SEC61A2: variants seen among roughly 807,000 people sequenced by gnomAD.
SEC61A2 encodes the protein SEC61 translocon subunit alpha 2, also known as protein transport protein Sec61 subunit alpha isoform 2.
SEC61A2 carries 28 observed loss-of-function variants against 59.9 expected under a neutral mutation model. That is an observed-to-expected ratio of 0.47 (90% CI 0.35 to 0.64). The LOEUF is 0.64. SEC61A2 is among the 30% of genes least tolerant of loss of function. The pLI is 0.01. For synonymous variants in SEC61A2, 202 were observed against 214.4 expected (o/e 0.94, Z 0.50); for missense variants, 340 against 585.9 (o/e 0.58, Z 4.33).
rs1392140247 is a variant in SEC61A2, at chr10:12,164,550, A to G, written c.*96A>G. 3 of 1,515,624 alleles carry G rather than the reference A, an allele frequency of 2.0e-6. No homozygotes were observed. The highest frequency in any genetic ancestry group is 2.6e-6 in the Non-Finnish European group (3 of 1,136,866). The allele number at this position is 1,515,624 out of a possible 1,614,324, so 93.9% of individuals were successfully genotyped here. On this transcript the variant is annotated 3_prime_UTR_variant, in exon 12 of 12. Transcript: ENST00000298428. This position sits in a 1 kb window ranked among gnomAD's most constrained non-coding sequence, Gnocchi z 7.3. ...CTGGTGGCTCCCCTTTTCTCCCCTC[A>G]CAGTTTCTTGTTTCGAGTGCTGACT... is the stretch of plus-strand genomic sequence containing the variant.
At chr10:12,141,842 CTGT>C (rs1311215981) in intron 3 of SEC61A2, among the ~76,000 whole-genome samples, 1 of 152,192 alleles carries the variant, frequency 6.6e-6, no homozygotes, top group Non-Finnish European at 1.5e-5. Flanking sequence ...CCATCACCCC[CTGT>C]TCTGTGAAAG....
In SEC61A2 at chr10:12,145,630, A is replaced by G. The variant is rs993256307; in HGVS notation, c.220+2435A>G. ...ATAAGTGGAGTTTTATTAGTGTGTT[A>G]GATTCCTTTTGTTGTAAGTAATAGG... On this transcript the variant is annotated intron_variant, in intron 4 of 11. Coordinates refer to ENST00000298428, the MANE Select transcript of SEC61A2 (RefSeq NM_018144.4). The surrounding 1 kb of genome is among the most constrained non-coding windows in gnomAD (Gnocchi z 4.4). 6.6e-6 allele frequency among the ~76,000 whole-genome samples: 1 copy of G among 152,194 alleles called. No homozygotes were observed. The highest frequency in any genetic ancestry group is 6.5e-5 in the Admixed American group (1 of 15,268).
intron 2 of SEC61A2, among the ~76,000 whole-genome samples, chr10:12,133,622 T>C (rs1833814061): frequency 6.6e-6 from 1 of 152,242 alleles, no homozygotes; most frequent in Non-Finnish European, 1.5e-5. Context: ...TCCTGTAGTA[T>C]TGGGTGTGTA....
chr10:12,158,033 G>A lies in SEC61A2; in HGVS notation c.903G>A (p.Leu301=). 1 of 1,614,156 alleles carries A rather than the reference G, an allele frequency of 6.2e-7. No individual in the cohort carries two copies. Among genetic ancestry groups the A allele is most frequent in the Non-Finnish European group, 8.5e-7 (1 of 1,180,032 alleles). ...IILQSALVSN[L]YVISQMLSVR... ...TCCAGTCGGCCCTGGTGTCCAACCT[G>A]TATGTTATTTCCCAGATGCTGTCTG... Residue 301 remains leucine (L), a synonymous_variant, in exon 9 of 12, where the codon CTG becomes CTA. Coordinates refer to ENST00000298428, the MANE Select transcript of SEC61A2 (RefSeq NM_018144.4). The surrounding 1 kb of genome is among the most constrained non-coding windows in gnomAD (Gnocchi z 5.7).
In SEC61A2 at chr10:12,164,301, G is replaced by C; in HGVS notation, c.1278G>C (p.Leu426Phe). Reference sequence around the variant, plus strand: ...CCACCGCAGCTGCGTTTGGCGGTTTGTGCATTGGCGCCCTGTCAGTGCTGG... The same window carrying C: ...CCACCGCAGCTGCGTTTGGCGGTTTCTGCATTGGCGCCCTGTCAGTGCTGG... ...YIPTAAAFGG[L>F]CIGALSVLAD... The change falls in exon 12 of 12, where the codon TTG (leucine) becomes TTC (phenylalanine). Residue 426 changes from leucine to phenylalanine, a missense_variant. This residue lies in a region of SEC61A2 where 283 missense variants were observed against 483.2 expected (regional missense o/e 0.59). Coordinates refer to ENST00000298428, the MANE Select transcript of SEC61A2 (RefSeq NM_018144.4). This position sits in a 1 kb window ranked among gnomAD's most constrained non-coding sequence, Gnocchi z 7.3. 6.2e-7 allele frequency: 1 copy of C among 1,613,662 alleles called. No individual in the cohort carries two copies. The highest frequency in any genetic ancestry group is 2.2e-5 in the East Asian group (1 of 44,884).
In SEC61A2 at chr10:12,156,150, T is replaced by A. The variant is rs918096005; in HGVS notation, c.616+219T>A. On this transcript the variant is annotated intron_variant, in intron 7 of 11. Coordinates refer to ENST00000298428, the MANE Select transcript of SEC61A2 (RefSeq NM_018144.4). The surrounding 1 kb of genome is among the most constrained non-coding windows in gnomAD (Gnocchi z 5.2). Reference sequence around the variant, plus strand: ...ATTTTAGCCTCTGCTTATTTAAAATTTCAGTGGTTGCAAACAGATTTTCAA... The same window carrying A: ...ATTTTAGCCTCTGCTTATTTAAAATATCAGTGGTTGCAAACAGATTTTCAA... Among the ~76,000 whole-genome samples, 6 of 152,212 alleles carry A rather than the reference T, an allele frequency of 3.9e-5. No homozygotes were observed. Among genetic ancestry groups the A allele is most frequent in the African/African-American group, 1.4e-4 (6 of 41,452 alleles).
rs577629718 is a variant in SEC61A2 at position 12,158,742 on chromosome 10, AC to A, written c.975+638del. On this transcript the variant is annotated intron_variant, in intron 9 of 11. Transcript: ENST00000298428. This position sits in a 1 kb window ranked among gnomAD's most constrained non-coding sequence, Gnocchi z 5.7. ...GAGACTCCGTCTCCAAAAAATAAAA[AC>A]AAAAAATGCTATTTGCTGCTGCTAA... Among the ~76,000 whole-genome samples the A allele has an allele frequency of 2.2e-3, 336 of 152,190 alleles. 2 individuals carry two copies. The highest frequency in any genetic ancestry group is 3.8e-3 in the Admixed American group (58 of 15,294).
Position 12,160,472 on chromosome 10 carries a change from A to G in SEC61A2, c.976-458A>G, listed in dbSNP as rs1244894718. On this transcript the variant is annotated intron_variant, in intron 9 of 11. Transcript: ENST00000298428. The surrounding 1 kb of genome is among the most constrained non-coding windows in gnomAD (Gnocchi z 4.1). ...TAAAAGATTGCTCCTTATAACATAG[A>G]AACCACATAAAGTCTAGGCAGCAAG... is the stretch of plus-strand genomic sequence containing the variant. Among the ~76,000 whole-genome samples the G allele has an allele frequency of 1.3e-5, 2 of 152,238 alleles. No individual in the cohort carries two copies. Among genetic ancestry groups the G allele is most frequent in the African/African-American group, 4.8e-5 (2 of 41,454 alleles).
At chr10:12,139,136 A>G (rs952076310) in intron 3 of SEC61A2, among the ~76,000 whole-genome samples, 3 of 151,340 alleles carry the variant, frequency 2.0e-5, no homozygotes, top group African/African-American at 7.3e-5. Flanking sequence ...CAATTTTTGT[A>G]TTTTTCGTAG....
At position 12,154,703 on chromosome 10, in the gene SEC61A2, T is replaced by G. The variant is rs547105676; in HGVS notation, c.463-1075T>G. 5.4e-4 allele frequency among the ~76,000 whole-genome samples: 82 copies of G among 152,356 alleles called. No individual in the cohort carries two copies. In the South Asian group the frequency reaches 0.011, roughly 21 times the overall value. ...CTGTAAATAGACAAGTTAGGCTCTGTCCAACTACTGAAATGGCAGTTAAGG... is the reference window on the plus strand; with the variant it reads ...CTGTAAATAGACAAGTTAGGCTCTGGCCAACTACTGAAATGGCAGTTAAGG... On this transcript the variant is annotated intron_variant, in intron 6 of 11. Transcript: ENST00000298428. The surrounding 1 kb of genome is among the most constrained non-coding windows in gnomAD (Gnocchi z 5.2).
chr10:12,147,925 AATCT>A (rs1460145321), intron 4 of SEC61A2, among the ~76,000 whole-genome samples: 2 of 151,758 alleles, frequency 1.3e-5, no homozygotes, highest in Non-Finnish European at 2.9e-5. Flanking sequence ...TAACTTAAGA[AATCT>A]ATCTAATATC....
rs1198953557 is a variant in SEC61A2, at chr10:12,158,920, G to A, written c.975+815G>A. Among the ~76,000 whole-genome samples, 1 of 151,936 alleles carries A rather than the reference G, an allele frequency of 6.6e-6. No homozygotes were observed. Among genetic ancestry groups the A allele is most frequent in the Non-Finnish European group, 1.5e-5 (1 of 68,004 alleles). On this transcript the variant is annotated intron_variant, in intron 9 of 11. Transcript: ENST00000298428. The surrounding 1 kb of genome is among the most constrained non-coding windows in gnomAD (Gnocchi z 5.7). ...TATTAACTAGACGGTAGAGACAGCG[G>A]TGCTGCTAGTAATATAATCCTATAC...
At chr10:12,168,885 C>T (rs1257063277), downstream of SEC61A2, among the ~76,000 whole-genome samples, 1 of 152,122 alleles carries the variant, frequency 6.6e-6, no homozygotes, top group Non-Finnish European at 1.5e-5. This position sits in a 1 kb window ranked among gnomAD's most constrained non-coding sequence, Gnocchi z 4.8. Context: ...GCCCCAGCCT[C>T]CTGAGTAGCT....
rs1226501447 is a variant in SEC61A2 at position 12,136,126 on chromosome 10, C to T, written c.97C>T (p.Leu33=). ...ACAGATCCAGTTTAGAGAGAAGGTTCTGTGGACTGCTATAACGCTCTTCAT... is the reference window on the plus strand; with the variant it reads ...ACAGATCCAGTTTAGAGAGAAGGTTTTGTGGACTGCTATAACGCTCTTCAT... ...ERKIQFREKV[L]WTAITLFIFL... Residue 33 remains leucine (L), a synonymous_variant, in exon 3 of 12, where the codon CTG becomes TTG. Coordinates refer to ENST00000298428, the MANE Select transcript of SEC61A2 (RefSeq NM_018144.4). 6.2e-7 allele frequency: 1 copy of T among 1,606,302 alleles called. No individual in the cohort carries two copies. Among genetic ancestry groups the T allele is most frequent in the East Asian group, 2.2e-5 (1 of 44,822 alleles).
In SEC61A2 at chr10:12,149,317, G is replaced by A. The variant is rs1834223780; in HGVS notation, c.221-278G>A. On this transcript the variant is annotated intron_variant, in intron 4 of 11. Transcript: ENST00000298428. This position sits in a 1 kb window ranked among gnomAD's most constrained non-coding sequence, Gnocchi z 5.2. ...GTTGTCCCGTTGGTCTCGAACTTCTGACCTCAGGTGATCCACACACCTCGG... is the reference window on the plus strand; with the variant it reads ...GTTGTCCCGTTGGTCTCGAACTTCTAACCTCAGGTGATCCACACACCTCGG... 6.6e-6 allele frequency among the ~76,000 whole-genome samples: 1 copy of A among 152,056 alleles called. No homozygotes were observed. The highest frequency in any genetic ancestry group is 2.4e-5 in the African/African-American group (1 of 41,384).
intron 1 of SEC61A2, among the ~76,000 whole-genome samples, chr10:12,132,852 A>G (rs1454361407): frequency 6.6e-6 from 1 of 152,124 alleles, no homozygotes; most frequent in Non-Finnish European, 1.5e-5. Context: ...TGACGTCGTG[A>G]TGCCCTTTGA....
rs1159904415 is a variant in SEC61A2 at position 12,155,366 on chromosome 10, T to A, written c.463-412T>A. On this transcript the variant is annotated intron_variant, in intron 6 of 11. Transcript: ENST00000298428. The surrounding 1 kb of genome is among the most constrained non-coding windows in gnomAD (Gnocchi z 4.3). ...ATGGCAGTGTACATTTCCATCTTGCTATTATACCAGAATTCATCTGACTTT... is the reference window on the plus strand; with the variant it reads ...ATGGCAGTGTACATTTCCATCTTGCAATTATACCAGAATTCATCTGACTTT... The A allele has an allele frequency of 3.8e-6, 6 of 1,572,324 alleles. No individual in the cohort carries two copies. In the African/African-American group the frequency reaches 5.4e-5, roughly 14 times the overall value.
intron 3 of SEC61A2, among the ~76,000 whole-genome samples, chr10:12,136,481 G>A (rs960903721): frequency 7.5e-5 from 11 of 147,580 alleles, no homozygotes; most frequent in Non-Finnish European, 9.0e-5. Context: ...CTAAAGTCTC[G>A]CTCTGTTGCC....
In SEC61A2 at chr10:12,150,996, T is replaced by C. The variant is rs528131424; in HGVS notation, c.462+1035T>C. 7.2e-5 allele frequency among the ~76,000 whole-genome samples: 11 copies of C among 152,060 alleles called. No individual in the cohort carries two copies. The South Asian group carries it at 2.1e-3, about 29-fold the overall frequency. On this transcript the variant is annotated intron_variant, in intron 6 of 11. Transcript: ENST00000298428. ...TTCACCATGTTGGCCAGGCTGGTGT[T>C]GAACTCCTGACCTCGTGATTCGCCC... is the stretch of plus-strand genomic sequence containing the variant.
Sources: allele counts gnomAD v4.1 joint callset (sites outside exome capture counted in the v4.1 genomes callset), GRCh38; gene constraint gnomAD v4.1.1; regional missense constraint gnomAD v4.1.1; non-coding constraint Gnocchi (gnomAD v3.1); transcripts MANE v1.5; gene names NCBI Gene and HGNC (gene_info 2026-07-23, HGNC 2026-07-21).